LPP: variants seen among roughly 807,000 people sequenced by gnomAD.
LPP encodes the protein LIM domain containing preferred translocation partner in lipoma.
A neutral mutation model predicts 60.4 loss-of-function variants in LPP; 38 were observed. The observed-to-expected ratio is 0.63, with a 90% CI of 0.49 to 0.83. The LOEUF is 0.83. LPP is among the 40% of genes least tolerant of loss of function. LPP has a pLI of 0.00. For missense variants in LPP, 902 were observed against 783.6 expected (o/e 1.15, Z -1.80); for synonymous variants, 328 against 290.8 (o/e 1.13, Z -1.30).
chr3:188,443,106 A>T (rs560187338), intron 4 of LPP, among the ~76,000 whole-genome samples: 1 of 152,154 alleles, frequency 6.6e-6, no homozygotes, highest in Non-Finnish European at 1.5e-5. Context: ...CTTGATTTTC[A>T]TTACTTGAAC....
chr3:188,661,646 GT>G (rs1419917775), intron 7 of LPP, among the ~76,000 whole-genome samples: 1 of 152,134 alleles, frequency 6.6e-6, no homozygotes, highest in Admixed American at 6.6e-5. Context: ...TTCTTACTAA[GT>G]TTTGAGAGTT....
intron 8 of LPP, among the ~76,000 whole-genome samples, chr3:188,749,211 A>G (rs1290756206): frequency 2.6e-5 from 4 of 152,180 alleles, no homozygotes; most frequent in Non-Finnish European, 4.4e-5. Context: ...AGCGCCTACT[A>G]GTGGGAAGAA....
chr3:188,267,246 C>T lies in LPP; in HGVS notation c.-67+41719C>T, dbSNP rs558718858. On this transcript the variant is annotated intron_variant, in intron 2 of 11. Transcript: ENST00000617246. Reference sequence around the variant, plus strand: ...GGCTTTTGAGAGGCTCAGCTGACCTCGCTCACTGCTGTGCATGCTCTCTGG... The same window carrying T: ...GGCTTTTGAGAGGCTCAGCTGACCTTGCTCACTGCTGTGCATGCTCTCTGG... 1.5e-3 allele frequency among the ~76,000 whole-genome samples: 223 copies of T among 152,292 alleles called. 3 individuals carry two copies. In the South Asian group the frequency reaches 0.032, roughly 22 times the overall value.
intron 7 of LPP, among the ~76,000 whole-genome samples, chr3:188,658,719 G>A (rs1853920833): frequency 6.6e-6 from 1 of 152,160 alleles, no homozygotes; most frequent in African/African-American, 2.4e-5. Flanking sequence ...GGGAAGGATT[G>A]ACCCATCTCC....
chr3:188,617,703 T>A (rs1180220193), intron 7 of LPP, among the ~76,000 whole-genome samples: 2 of 152,246 alleles, frequency 1.3e-5, no homozygotes, highest in African/African-American at 4.8e-5. Flanking sequence ...ATCATTTTCA[T>A]AGATTTGGTT....
intron 2 of LPP, among the ~76,000 whole-genome samples, chr3:188,226,300 C>T (rs910428631): frequency 2.0e-5 from 3 of 152,142 alleles, no homozygotes; most frequent in South Asian, 2.1e-4. Flanking sequence ...TGAGCCACTG[C>T]GCCCAGCCTC....
At chr3:188,231,468 T>C (rs1719929634) in intron 2 of LPP, among the ~76,000 whole-genome samples, 1 of 152,222 alleles carries the variant, frequency 6.6e-6, no homozygotes, top group African/African-American at 2.4e-5. Flanking sequence ...GCATGGCTTT[T>C]AAGAAGAAAA....
At chr3:188,724,884 A>G (rs927345503) in intron 8 of LPP, among the ~76,000 whole-genome samples, 8 of 152,240 alleles carry the variant, frequency 5.3e-5, no homozygotes, top group African/African-American at 1.9e-4. Context: ...GAGAGCAAGG[A>G]AAAGGGGACT....
intron 4 of LPP, among the ~76,000 whole-genome samples, chr3:188,464,515 G>A (rs1256224074): frequency 6.6e-6 from 1 of 152,098 alleles, no homozygotes; most frequent in African/African-American, 2.4e-5. Context: ...GAAGATTTAG[G>A]GGAAGAGGAG....
chr3:188,315,779 T>C (rs924031589), intron 2 of LPP, among the ~76,000 whole-genome samples: 31 of 152,204 alleles, frequency 2.0e-4, no homozygotes, highest in African/African-American at 7.5e-4. Context: ...ATTATGGAAT[T>C]TGTGGCTGAT....
In LPP at chr3:188,523,178, A is replaced by T. The variant is rs113005008; in HGVS notation, c.307-1487A>T. Among the ~76,000 whole-genome samples, 948 of 152,174 alleles carry T rather than the reference A, an allele frequency of 6.2e-3. 13 individuals carry two copies. The highest frequency in any genetic ancestry group is 0.022 in the African/African-American group (910 of 41,512). On this transcript the variant is annotated intron_variant, in intron 5 of 11. Transcript: ENST00000617246. ...CGCCTTGGCCTCGAAACCTGCTGAG[A>T]TTACAGGCATGAGCCACCGCGCCCG...
intron 9 of LPP, among the ~76,000 whole-genome samples, chr3:188,792,023 C>G (rs1743928434): frequency 6.6e-6 from 1 of 151,990 alleles, no homozygotes; most frequent in Non-Finnish European, 1.5e-5. Context: ...CAACACAGAC[C>G]CTAAGGTCTT....
At chr3:188,487,010 T>C (rs1232463605) in intron 5 of LPP, among the ~76,000 whole-genome samples, 3 of 152,244 alleles carry the variant, frequency 2.0e-5, no homozygotes, top group Admixed American at 2.0e-4. Context: ...TTAAAGTCAC[T>C]GACTCTGTTT....
chr3:188,317,372 G>C (rs1490346438), intron 2 of LPP, among the ~76,000 whole-genome samples: 2 of 152,052 alleles, frequency 1.3e-5, no homozygotes, highest in Non-Finnish European at 2.9e-5. Flanking sequence ...ATAGTGTAAT[G>C]GAAAGCACGC....
chr3:188,353,492 GA>G (rs952061673), intron 3 of LPP, among the ~76,000 whole-genome samples: 3 of 151,978 alleles, frequency 2.0e-5, no homozygotes, highest in Admixed American at 6.6e-5. Context: ...TTACAATGAA[GA>G]AAAAAAATTC....
intron 3 of LPP, among the ~76,000 whole-genome samples, chr3:188,372,450 C>T (rs907645822): frequency 2.6e-5 from 4 of 151,986 alleles, no homozygotes; most frequent in South Asian, 2.1e-4. Flanking sequence ...AACCCAAATA[C>T]AAAGCGTTGA....
At chr3:188,513,171 A>T (rs1816327011) in intron 5 of LPP, among the ~76,000 whole-genome samples, 1 of 152,234 alleles carries the variant, frequency 6.6e-6, no homozygotes, top group Non-Finnish European at 1.5e-5. Context: ...TCAATGTAGA[A>T]ATTTCAAATA....
rs539771803 is a variant in LPP at position 188,638,043 on chromosome 3, C to T, written c.1113+28199C>T. Among the ~76,000 whole-genome samples, 370 of 138,970 alleles carry T rather than the reference C, an allele frequency of 2.7e-3. 2 individuals carry two copies. The highest frequency in any genetic ancestry group is 9.4e-3 in the African/African-American group (356 of 37,894). 91.2% of individuals were successfully genotyped at this position (138,970 alleles called of 152,430 possible). Reference sequence around the variant, plus strand: ...GCCAGCATCATCCTGATACCAAAGCCTGGCAGAGACACAACCAAAAAAGAG... The same window carrying T: ...GCCAGCATCATCCTGATACCAAAGCTTGGCAGAGACACAACCAAAAAAGAG... On this transcript the variant is annotated intron_variant, in intron 7 of 11. Transcript: ENST00000617246.
chr3:188,428,006 A>T (rs1033297670), intron 4 of LPP, among the ~76,000 whole-genome samples: 3 of 151,796 alleles, frequency 2.0e-5, no homozygotes, highest in Non-Finnish European at 4.4e-5. Flanking sequence ...CCAAACGGTC[A>T]CCCGGTTTTG....
Sources: gnomAD v4.1 joint callset for allele counts (sites outside exome capture counted in the v4.1 genomes callset) on GRCh38, gnomAD v4.1.1 for gene constraint, MANE v1.5 for transcripts, NCBI Gene and HGNC (gene_info 2026-07-23, HGNC 2026-07-21) for gene names.